VPS13D: variants seen among roughly 807,000 people sequenced by gnomAD.
VPS13D encodes vacuolar protein sorting 13 homolog D.
In VPS13D, 187 loss-of-function variants were observed where a neutral mutation model predicts 461.9. The observed-to-expected ratio is 0.40, with a 90% CI of 0.36 to 0.46. The LOEUF (loss-of-function observed/expected upper bound fraction) is 0.46. VPS13D is among the 20% of genes least tolerant of loss of function. The pLI is 0.60. For missense variants in VPS13D, 4,711 were observed against 5,364.9 expected (o/e 0.88, Z 3.81); for synonymous variants, 1,951 against 1,986.3 (o/e 0.98, Z 0.47).
At chr1:12,489,991 C>G (rs982094347) in intron 67 of VPS13D, among the ~76,000 whole-genome samples, 36 of 152,212 alleles carry the variant, frequency 2.4e-4, no homozygotes, top group African/African-American at 8.7e-4. Context: ...TGCTCCCTGT[C>G]TCTCCTACTG....
At chr1:12,422,292 A>G (rs913198900) in intron 65 of VPS13D, among the ~76,000 whole-genome samples, 3 of 152,180 alleles carry the variant, frequency 2.0e-5, no homozygotes, top group Admixed American at 6.5e-5. Flanking sequence ...TTTGCTATTC[A>G]TGTAAATTAG....
intron 63 of VPS13D, 131 bp downstream of exon 63, chr1:12,404,104 G>T: frequency 2.0e-6 from 1 of 497,492 alleles, no homozygotes; most frequent in Non-Finnish European, 2.9e-6. Flanking sequence ...ATTCATAGCA[G>T]ACATTTTATT....
intron 42 of VPS13D, among the ~76,000 whole-genome samples, 196 bp downstream of exon 42, chr1:12,343,247 T>C (rs1643609794): frequency 1.3e-5 from 2 of 151,906 alleles, no homozygotes; most frequent in Non-Finnish European, 2.9e-5. Context: ...CGATCTCAGC[T>C]CACTGCAGCC....
intron 27 of VPS13D, among the ~76,000 whole-genome samples, chr1:12,309,731 C>A (rs1451675622): frequency 7.0e-6 from 1 of 143,004 alleles, no homozygotes; most frequent in African/African-American, 2.7e-5. Flanking sequence ...CGCTGCACTT[C>A]AGCCTGGGTG....
chr1:12,253,594 T>C, intron 6 of VPS13D, 128 bp from the exon 7 acceptor site: 1 of 680,288 alleles, frequency 1.5e-6, no homozygotes, highest in South Asian at 1.8e-5. Context: ...ATGTTTTAAT[T>C]GAGTTATATG....
At chr1:12,420,473 C>T (rs1441549329) in intron 65 of VPS13D, among the ~76,000 whole-genome samples, 1 of 152,214 alleles carries the variant, frequency 6.6e-6, no homozygotes, top group Non-Finnish European at 1.5e-5. Flanking sequence ...CAGTGCACTG[C>T]ACTTTACTGC....
intron 63 of VPS13D, among the ~76,000 whole-genome samples, chr1:12,413,320 TAAA>T (rs1183997013): frequency 7.3e-6 from 1 of 137,696 alleles, no homozygotes. Context: ...CTCTCCAAAA[TAAA>T]AAAAAAAAAA....
chr1:12,453,186 C>T (rs773167744), intron 65 of VPS13D, among the ~76,000 whole-genome samples: 1 of 151,978 alleles, frequency 6.6e-6, no homozygotes, highest in Non-Finnish European at 1.5e-5. Flanking sequence ...TAGGCTCACT[C>T]ATCAACTTTG....
chr1:12,311,591 T>C lies in VPS13D; in HGVS notation c.6788T>C (p.Met2263Thr). 6.2e-7 allele frequency: 1 copy of C among 1,614,222 alleles called. No homozygotes were observed. Among genetic ancestry groups the C allele is most frequent in the Non-Finnish European group, 8.5e-7 (1 of 1,180,016 alleles). ...CTGGGAGAACCCATAGAGGAATTTA[T>C]GCGGCCTTATGATTTACAAGATCCA... The part of the protein sequence containing the change: ...NNLGEPIEEF[M>T]RPYDLQDPRI... Residue 2263 changes from methionine (M) to threonine (T), a missense_variant, in exon 28 of 70, where the codon ATG becomes ACG. Around this residue, in one of 3 missense-constraint regions of VPS13D, gnomAD observed 4,411 missense variants for 4,937.8 expected, o/e 0.89. Transcript: ENST00000620676.
intron 67 of VPS13D, among the ~76,000 whole-genome samples, chr1:12,469,051 A>C (rs1228918650): frequency 1.3e-5 from 2 of 151,762 alleles, no homozygotes; most frequent in African/African-American, 2.4e-5. Flanking sequence ...AAAAAAAAAA[A>C]CAAAAAACTT....
intron 62 of VPS13D, among the ~76,000 whole-genome samples, chr1:12,401,978 C>A (rs1209529316): frequency 2.6e-5 from 4 of 152,174 alleles, no homozygotes; most frequent in Admixed American, 6.5e-5. Context: ...GTATACTATT[C>A]CTCTTTGCTT....
intron 10 of VPS13D, 87 bp downstream of exon 10, chr1:12,258,190 G>A: frequency 6.6e-7 from 1 of 1,515,008 alleles, no homozygotes; most frequent in Non-Finnish European, 9.0e-7. Flanking sequence ...GATCTGTGAA[G>A]TAATAAAGTC....
rs74606384 is a variant in VPS13D, at chr1:12,273,079, A to G, written c.2180A>G (p.Lys727Arg). 2.1e-4 allele frequency: 346 copies of G among 1,614,162 alleles called. 5 individuals are homozygous for G. The East Asian group carries it at 7.6e-3, about 35-fold the overall frequency. Reference protein sequence around the residue: ...QVIFPDDFKFKNPVLVVVDLG... With the variant: ...QVIFPDDFKFRNPVLVVVDLG... Reference sequence around the variant, plus strand: ...ATATTTCCTGATGATTTCAAATTCAAGAATCCTGTGTTAGTTGTCGTGGAT... The same window carrying G: ...ATATTTCCTGATGATTTCAAATTCAGGAATCCTGTGTTAGTTGTCGTGGAT... Residue 727 changes from lysine (K) to arginine (R), a missense_variant, in exon 18 of 70, where the codon AAG (lysine) becomes AGG (arginine). Lys to Arg is a conservative substitution (Grantham distance 26). Transcript: ENST00000620676.
At chr1:12,348,623 T>G (rs1254901443) in intron 44 of VPS13D, among the ~76,000 whole-genome samples, 200 bp from the exon 45 acceptor site, 1 of 152,118 alleles carries the variant, frequency 6.6e-6, no homozygotes, top group Non-Finnish European at 1.5e-5. Flanking sequence ...TTGTAGAACT[T>G]TTTAGAATTT....
chr1:12,456,146 C>A lies in VPS13D; in HGVS notation c.12466+16C>A. ...CTGGCTCATGGTAAGTCATGGGTGA[C>A]ATCAGGCTCTGCTGCTGCTGGTCCT... is the stretch of plus-strand genomic sequence containing the variant. On this transcript the variant is annotated intron_variant, in intron 66 of 69. Transcript: ENST00000620676. The A allele has an allele frequency of 6.3e-7, 1 of 1,596,550 alleles. No individual in the cohort carries two copies. The highest frequency in any genetic ancestry group is 8.5e-7 in the Non-Finnish European group (1 of 1,173,810).
chr1:12,262,583 A>G (rs1641144492), intron 13 of VPS13D, among the ~76,000 whole-genome samples: 1 of 152,134 alleles, frequency 6.6e-6, no homozygotes, highest in African/African-American at 2.4e-5. Context: ...GTGTGGCCAG[A>G]TGATTTTGCC....
intron 30 of VPS13D, among the ~76,000 whole-genome samples, chr1:12,316,627 G>C (rs1319579575): frequency 2.0e-5 from 3 of 152,188 alleles, no homozygotes; most frequent in Non-Finnish European, 4.4e-5. Context: ...CCTTTTACTA[G>C]AGGCAGTGAG....
intron 67 of VPS13D, among the ~76,000 whole-genome samples, chr1:12,490,853 C>A (rs1460197224): frequency 6.6e-6 from 1 of 152,104 alleles, no homozygotes; most frequent in Admixed American, 6.5e-5. Context: ...AGCTACAGGT[C>A]CAAGACAGAT....
At chr1:12,392,847 G>A (rs886843940) in intron 60 of VPS13D, among the ~76,000 whole-genome samples, 4 of 152,212 alleles carry the variant, frequency 2.6e-5, no homozygotes, top group African/African-American at 9.7e-5. Context: ...AGATGGCAGA[G>A]CAGCTTGCAC....
Sources: allele counts gnomAD v4.1 joint callset (sites outside exome capture counted in the v4.1 genomes callset), GRCh38; gene constraint gnomAD v4.1.1; regional missense constraint gnomAD v4.1.1; transcripts MANE v1.5; gene names NCBI Gene and HGNC (gene_info 2026-07-23, HGNC 2026-07-21).